Variants in KCNMB4 observed in about 807,000 individuals in gnomAD.
KCNMB4 encodes calcium-activated potassium channel subunit beta-4.
Under a neutral mutation model 20.7 loss-of-function variants are expected in KCNMB4, and 3 were observed. The ratio of observed to expected loss-of-function variants is 0.14; its 90% CI spans 0.07 to 0.37. KCNMB4 has a LOEUF of 0.37. Ranked by LOEUF, KCNMB4 falls within the 10% of genes least tolerant of loss-of-function variation. The pLI is 1.00. For synonymous variants in KCNMB4, 110 were observed against 113.4 expected (o/e 0.97, Z 0.19); for missense variants, 168 against 265.9 (o/e 0.63, Z 2.56).
intron 1 of KCNMB4, among the ~76,000 whole-genome samples, chr12:70,399,186 G>A (rs1292055793): frequency 2.0e-5 from 3 of 152,114 alleles, no homozygotes; most frequent in Non-Finnish European, 4.4e-5. Flanking sequence ...ATAGTGAGAA[G>A]GTGTTGAATA....
At chr12:70,373,544 A>G (rs60881781) in intron 1 of KCNMB4, among the ~76,000 whole-genome samples, 34,926 of 152,190 alleles carry the variant, frequency 0.23, 4,473 homozygotes, top group East Asian at 0.48. Context: ...GTTTTAGCCC[A>G]GTGAGACACA....
intron 1 of KCNMB4, among the ~76,000 whole-genome samples, chr12:70,373,700 C>T (rs1161131716): frequency 3.9e-5 from 6 of 152,278 alleles, no homozygotes; most frequent in Middle Eastern, 3.4e-3. Flanking sequence ...TATTTAAAGG[C>T]GTGGTCAGAA....
At chr12:70,408,561 G>A (rs1406739430) in intron 2 of KCNMB4, among the ~76,000 whole-genome samples, 2 of 151,888 alleles carry the variant, frequency 1.3e-5, no homozygotes, top group Non-Finnish European at 1.5e-5. Flanking sequence ...TGCAGCGGCC[G>A]AAGCAGCCCC....
chr12:70,398,080 A>G (rs1868371765), intron 1 of KCNMB4, among the ~76,000 whole-genome samples: 1 of 152,208 alleles, frequency 6.6e-6, no homozygotes, highest in African/African-American at 2.4e-5. Context: ...TTCTCTTGTG[A>G]ACATTTTTCT....
chr12:70,397,562 A>AT (rs1258880773), intron 1 of KCNMB4, among the ~76,000 whole-genome samples: 3 of 152,186 alleles, frequency 2.0e-5, no homozygotes, highest in Admixed American at 1.3e-4. Flanking sequence ...AAAAGCAAGA[A>AT]TTTTTTTAAA....
At chr12:70,384,696 A>G (rs1883855535) in intron 1 of KCNMB4, among the ~76,000 whole-genome samples, 1 of 152,104 alleles carries the variant, frequency 6.6e-6, no homozygotes, top group African/African-American at 2.4e-5. Flanking sequence ...GCCAGCCTAG[A>G]CAACATAGTG....
chr12:70,395,945 C>T (rs1005930888), intron 1 of KCNMB4, among the ~76,000 whole-genome samples: 4 of 152,096 alleles, frequency 2.6e-5, no homozygotes, highest in African/African-American at 9.7e-5. Context: ...TATAAATTCA[C>T]CTAAGTGAAA....
rs374031800 is a variant in KCNMB4 at position 70,366,810 on chromosome 12, A to C, written c.76A>C (p.Ile26Leu). 6.2e-7 allele frequency: 1 copy of C among 1,612,130 alleles called. No homozygotes were observed. Among genetic ancestry groups the C allele is most frequent in the South Asian group, 1.1e-5 (1 of 91,046 alleles). The stretch of plus-strand genomic sequence containing the variant: ...CATCCGGCTCGGCTTGTTTCTCATC[A>C]TCTCCGGCGTCGTGTCGCTCTTCAT... ...KSIRLGLFLI[I>L]SGVVSLFIFG... is the part of the protein sequence containing the mutation. Residue 26 changes from isoleucine to leucine, a missense_variant, in exon 1 of 3, where the codon ATC becomes CTC. Ile to Leu is a conservative substitution (Grantham distance 5, BLOSUM62 2). Transcript: ENST00000258111.
chr12:70,372,191 A>G (rs550491412), intron 1 of KCNMB4, among the ~76,000 whole-genome samples: 1 of 152,348 alleles, frequency 6.6e-6, no homozygotes, highest in Admixed American at 6.5e-5. Context: ...AGGTTGGACC[A>G]CAGTGAGCAA....
rs11178217 is a variant in KCNMB4, at chr12:70,392,558, A to G, written c.337-7651A>G. Among the ~76,000 whole-genome samples, 131 of 152,344 alleles carry G rather than the reference A, an allele frequency of 8.6e-4. 1 individual carries two copies. In the East Asian group the frequency reaches 0.022, roughly 26 times the overall value. On this transcript the variant is annotated intron_variant, in intron 1 of 2. Coordinates refer to ENST00000258111, the MANE Select transcript of KCNMB4 (RefSeq NM_014505.6). ...TTTGTTTATTGCAGCACTGTTCACA[A>G]TAGCAAAAACTTGGAACCAACCTAA...
intron 2 of KCNMB4, among the ~76,000 whole-genome samples, chr12:70,428,398 CAGT>C (rs1869269598): frequency 6.6e-6 from 1 of 152,146 alleles, no homozygotes; most frequent in African/African-American, 2.4e-5. Context: ...ATTTTTGTAT[CAGT>C]AGATTATGGA....
chr12:70,430,542 C>A lies in KCNMB4; in HGVS notation c.522C>A (p.Phe174Leu). ...ATGAGATTGTCCTCCTGCATTGCTT[C>A]CTCTGGCCCCTGGTGACATTTGTGG... ...THDEIVLLHC[F>L]LWPLVTFVVG... The change falls in exon 3 of 3, where the codon TTC becomes TTA. Residue 174 changes from phenylalanine (F) to leucine (L), a missense_variant. Transcript: ENST00000258111. 1 of 1,613,606 alleles carries A rather than the reference C, an allele frequency of 6.2e-7. No individual in the cohort carries two copies. The highest frequency in any genetic ancestry group is 8.5e-7 in the Non-Finnish European group (1 of 1,179,838).
chr12:70,375,844 T>C (rs1373332958), intron 1 of KCNMB4, among the ~76,000 whole-genome samples: 2 of 152,202 alleles, frequency 1.3e-5, no homozygotes, highest in African/African-American at 4.8e-5. Flanking sequence ...TTTGCTAATA[T>C]TTTATTGAGG....
At chr12:70,367,281 T>A (rs1293126421) in intron 1 of KCNMB4, among the ~76,000 whole-genome samples, 1 of 152,166 alleles carries the variant, frequency 6.6e-6, no homozygotes, top group Non-Finnish European at 1.5e-5. Context: ...CGACCAGTGG[T>A]GCCCAGAGGC....
intron 1 of KCNMB4, among the ~76,000 whole-genome samples, chr12:70,375,500 A>G (rs1055374280): frequency 5.3e-5 from 8 of 151,178 alleles, no homozygotes; most frequent in African/African-American, 1.7e-4. Flanking sequence ...AAAATTAGCC[A>G]GACATGATGA....
chr12:70,430,851 G>A lies in KCNMB4; in HGVS notation c.*198G>A. The stretch of plus-strand genomic sequence containing the variant: ...CAAAGCTTGTATTCCATCTGCTGTA[G>A]CAATGGCTAAAGGGTCAAGATCTTA... On this transcript the variant is annotated 3_prime_UTR_variant, in exon 3 of 3. Coordinates refer to ENST00000258111, the MANE Select transcript of KCNMB4 (RefSeq NM_014505.6). 1 of 517,366 alleles carries A rather than the reference G, an allele frequency of 1.9e-6. No individual in the cohort carries two copies. The allele number at this position is 517,366 out of a possible 1,614,324, so 32.0% of individuals were successfully genotyped here. A position where few individuals can be genotyped will look rare whatever the true frequency, so the allele number is the denominator to read the frequency against.
intron 1 of KCNMB4, among the ~76,000 whole-genome samples, chr12:70,391,718 G>C (rs1406300440): frequency 6.6e-6 from 1 of 152,158 alleles, no homozygotes; most frequent in African/African-American, 2.4e-5. Context: ...GGCCAGTTTG[G>C]GTTTCCTTGT....
At chr12:70,378,382 T>A (rs1314337019) in intron 1 of KCNMB4, among the ~76,000 whole-genome samples, 2 of 152,220 alleles carry the variant, frequency 1.3e-5, no homozygotes, top group Admixed American at 6.5e-5. Context: ...CAAACTCCTA[T>A]AATGTTATTT....
chr12:70,413,443 T>C (rs1251115752), intron 2 of KCNMB4, among the ~76,000 whole-genome samples: 2 of 152,128 alleles, frequency 1.3e-5, no homozygotes, highest in African/African-American at 4.8e-5. Flanking sequence ...CATCATCAGA[T>C]GGTGGAATGC....
Sources: allele counts gnomAD v4.1 joint callset (sites outside exome capture counted in the v4.1 genomes callset), GRCh38; gene constraint gnomAD v4.1.1; transcripts MANE v1.5; gene names NCBI Gene and HGNC (gene_info 2026-07-23, HGNC 2026-07-21).